The following NIM1K variants were observed in gnomAD, a reference collection of about 807,000 sequenced individuals.
The protein encoded by NIM1K is NIM1 serine/threonine protein kinase.
Under a neutral mutation model 37.1 loss-of-function variants are expected in NIM1K, and 35 were observed. The observed-to-expected ratio is 0.94, with a 90% CI of 0.72 to 1.25. The LOEUF (loss-of-function observed/expected upper bound fraction) is 1.25, where lower values mean the gene tolerates loss of function less well. Ranked by LOEUF, NIM1K falls within the 50% of genes most tolerant of loss-of-function variation. The pLI is 0.00. For missense variants in NIM1K, 564 were observed against 548.0 expected, an observed-to-expected ratio of 1.03 and a Z score of -0.29; for synonymous variants, 234 against 206.6, an observed-to-expected ratio of 1.13 and a Z score of -1.14.
intron 3 of NIM1K, among the ~76,000 whole-genome samples, chr5:43,278,388 T>A (rs954646738): frequency 1.3e-5 from 2 of 152,232 alleles, no homozygotes; most frequent in Admixed American, 1.3e-4. Flanking sequence ...CTTCTTTAGA[T>A]AAATCTGGAC....
At chr5:43,243,842 C>T (rs1221230693) in intron 1 of NIM1K, among the ~76,000 whole-genome samples, 3 of 152,108 alleles carry the variant, frequency 2.0e-5, no homozygotes, top group Non-Finnish European at 4.4e-5. Flanking sequence ...CTAAGGGGTA[C>T]ACCACCACAC....
chr5:43,269,214 G>T (rs780171875), intron 2 of NIM1K, among the ~76,000 whole-genome samples: 1 of 149,298 alleles, frequency 6.7e-6, no homozygotes. Flanking sequence ...GGAGGCTGAG[G>T]CAGGAGAATT....
At chr5:43,205,557 A>G (rs1469032587) in intron 1 of NIM1K, among the ~76,000 whole-genome samples, 2 of 152,200 alleles carry the variant, frequency 1.3e-5, no homozygotes, top group Non-Finnish European at 2.9e-5. Context: ...AGTCAAGACC[A>G]GCCTGGGCAA....
intron 2 of NIM1K, among the ~76,000 whole-genome samples, chr5:43,266,323 G>T (rs192850853): frequency 6.6e-6 from 1 of 152,320 alleles, no homozygotes; most frequent in Admixed American, 6.5e-5. Context: ...AGCAATGGCG[G>T]ATGTCCCTCC....
intron 1 of NIM1K, among the ~76,000 whole-genome samples, chr5:43,235,971 T>C (rs1389502687): frequency 6.6e-6 from 1 of 152,066 alleles, no homozygotes; most frequent in Non-Finnish European, 1.5e-5. Context: ...GGAGTTAATC[T>C]ATACTTTAAA....
intron 1 of NIM1K, among the ~76,000 whole-genome samples, chr5:43,239,256 G>T (rs1752663063): frequency 6.6e-6 from 1 of 151,800 alleles, no homozygotes; most frequent in Non-Finnish European, 1.5e-5. Flanking sequence ...ATTTTTTTAA[G>T]TTGGAGTTTC....
chr5:43,197,178 C>T (rs1429094808), intron 1 of NIM1K, among the ~76,000 whole-genome samples: 1 of 151,696 alleles, frequency 6.6e-6, no homozygotes, highest in African/African-American at 2.4e-5. Flanking sequence ...ACCTAGACTA[C>T]AGTGCAGTGG....
At chr5:43,269,167 C>T (rs975731064) in intron 2 of NIM1K, among the ~76,000 whole-genome samples, 16 of 7,110 alleles carry the variant, frequency 2.3e-3, no homozygotes, top group South Asian at 9.6e-3. Flanking sequence ...AAACATTAGC[C>T]AGGCATGGTG....
chr5:43,241,622 G>A (rs145385536), intron 1 of NIM1K, among the ~76,000 whole-genome samples: 1,904 of 152,060 alleles, frequency 0.013, 18 homozygotes, highest in Middle Eastern at 0.024. Context: ...ACAGGAGTGA[G>A]CCACCGTGCC....
intron 2 of NIM1K, among the ~76,000 whole-genome samples, chr5:43,256,756 G>A (rs912086228): frequency 1.3e-5 from 2 of 152,206 alleles, no homozygotes; most frequent in African/African-American, 4.8e-5. Context: ...ACTGGTAGAA[G>A]TTAATGTATA....
At chr5:43,209,375 A>G (rs1752171676) in intron 1 of NIM1K, among the ~76,000 whole-genome samples, 1 of 152,230 alleles carries the variant, frequency 6.6e-6, no homozygotes, top group Admixed American at 6.5e-5. Context: ...TTCCAGCTAG[A>G]GAGGTGCTCT....
chr5:43,197,675 T>G (rs1198627732), intron 1 of NIM1K, among the ~76,000 whole-genome samples: 1 of 152,216 alleles, frequency 6.6e-6, no homozygotes, highest in Non-Finnish European at 1.5e-5. Context: ...CTCTCCCATT[T>G]TACCATTTCC....
intron 2 of NIM1K, among the ~76,000 whole-genome samples, chr5:43,255,627 T>C (rs1283147356): frequency 6.6e-6 from 1 of 151,928 alleles, no homozygotes; most frequent in Non-Finnish European, 1.5e-5. Context: ...TGTGCACCTT[T>C]AGTCTCAGCT....
At position 43,198,197 on chromosome 5, in the gene NIM1K, T is replaced by TTC. The variant is rs1325067947; in HGVS notation, c.-695+5788_-695+5789dup. Among the ~76,000 whole-genome samples, 314 of 56,486 alleles carry TTC rather than the reference T, an allele frequency of 5.6e-3. 2 individuals are homozygous for TTC. The highest frequency in any genetic ancestry group is 0.021 in the East Asian group (32 of 1,502). 37.1% of individuals were successfully genotyped at this position (56,486 alleles called of 152,430 possible). A position where few individuals can be genotyped will look rare whatever the true frequency, so the allele number is the denominator to read the frequency against. On this transcript the variant is annotated intron_variant, in intron 1 of 3. Transcript: ENST00000326035. ...TTTCTTTCTTTCTTTCTTTCTTTCTTTCTTTCTTTCTCTTTCTTTCTTTCT... is the reference window on the plus strand; with the variant it reads ...TTTCTTTCTTTCTTTCTTTCTTTCTTTCTCTTTCTTTCTCTTTCTTTCTTTCT...
At chr5:43,251,811 G>A (rs878944270) in intron 2 of NIM1K, among the ~76,000 whole-genome samples, 3 of 152,092 alleles carry the variant, frequency 2.0e-5, no homozygotes, top group Admixed American at 1.3e-4. Flanking sequence ...GTTATTGACC[G>A]CCTCCATCCC....
intron 3 of NIM1K, among the ~76,000 whole-genome samples, chr5:43,278,649 T>C (rs2111571042): frequency 6.6e-6 from 1 of 152,292 alleles, no homozygotes; most frequent in South Asian, 2.1e-4. Context: ...CCTGCATGGT[T>C]GTAGGAGCAA....
intron 1 of NIM1K, among the ~76,000 whole-genome samples, chr5:43,205,500 CT>C (rs1752095022): frequency 6.6e-6 from 1 of 152,114 alleles, no homozygotes; most frequent in Non-Finnish European, 1.5e-5. Flanking sequence ...TGCTTACAAT[CT>C]CAGCACTTTG....
chr5:43,257,804 G>A (rs562487476), intron 2 of NIM1K, among the ~76,000 whole-genome samples: 1 of 148,616 alleles, frequency 6.7e-6, no homozygotes, highest in African/African-American at 2.5e-5. Flanking sequence ...CATGCCTATA[G>A]TCCACAGCTA....
chr5:43,242,795 C>T (rs1466836315), intron 1 of NIM1K: 3 of 151,220 alleles, frequency 2.0e-5, no homozygotes, highest in Non-Finnish European at 2.9e-5. Flanking sequence ...AAGTTCCTGC[C>T]CACCTGGTGC....
Sources: gnomAD v4.1 joint callset for allele counts (sites outside exome capture counted in the v4.1 genomes callset) on GRCh38, gnomAD v4.1.1 for gene constraint, MANE v1.5 for transcripts, NCBI Gene and HGNC (gene_info 2026-07-23, HGNC 2026-07-21) for gene names.